MILR1: variants seen among roughly 807,000 people sequenced by gnomAD.
The protein encoded by MILR1 is mast cell immunoglobulin like receptor 1.
A neutral mutation model predicts 18.5 loss-of-function variants in MILR1; 31 were observed. The ratio of observed to expected loss-of-function variants is 1.68; its 90% CI spans 1.26 to 2.26. The LOEUF (loss-of-function observed/expected upper bound fraction) is 2.26. Among genes scored for constraint, MILR1 ranks in the 30% most tolerant of loss-of-function variants. MILR1 has a pLI of 0.00. For synonymous variants in MILR1, 85 were observed against 56.2 expected, an observed-to-expected ratio of 1.51 and a Z score of -2.30; for missense variants, 257 against 157.4, an observed-to-expected ratio of 1.63 and a Z score of -3.38.
the MILR1 span, among the ~76,000 whole-genome samples, chr17:64,476,497 T>C: frequency 0.1 from 15,678 of 152,040 alleles, 1,933 homozygotes; most frequent in African/African-American, 0.3. Flanking sequence ...CTGGGCCACA[T>C]AGTGAGACCC....
At chr17:64,453,703 C>G (rs1189488005) in intron 3 of MILR1, among the ~76,000 whole-genome samples, 3 of 151,980 alleles carry the variant, frequency 2.0e-5, no homozygotes, top group Non-Finnish European at 1.5e-5. Context: ...ATTTTCCTAC[C>G]CCAAGCCTGT....
intron 2 of MILR1, 110 bp from the exon 3 acceptor site, chr17:64,452,487 A>C: frequency 2.5e-6 from 1 of 405,246 alleles, no homozygotes; most frequent in Non-Finnish European, 4.4e-6. Flanking sequence ...TCATGGCCTC[A>C]AGTGATCCAC....
chr17:64,485,558 C>T, the MILR1 span: 60 of 639,020 alleles, frequency 9.4e-5, no homozygotes, highest in Non-Finnish European at 1.5e-4. Flanking sequence ...TCTGTGAGAA[C>T]CTGATTCTTA....
At chr17:64,491,471 C>A in the MILR1 span, 1 of 1,123,956 alleles carries the variant, frequency 8.9e-7, no homozygotes, top group Non-Finnish European at 1.3e-6. Flanking sequence ...GATTGTGCAA[C>A]GGCAGTCCAG....
the MILR1 span, chr17:64,496,348 A>C: frequency 1.3e-5 from 15 of 1,132,786 alleles, no homozygotes; most frequent in Admixed American, 1.0e-4. Flanking sequence ...AAGATCCAGC[A>C]AGACTGCCTC....
At chr17:64,490,504 T>C in the MILR1 span, 257 of 388,092 alleles carry the variant, frequency 6.6e-4, 1 homozygote, top group Non-Finnish European at 8.8e-4. Flanking sequence ...AATTGTTCAT[T>C]TGAAGGAGTG....
the MILR1 span, among the ~76,000 whole-genome samples, chr17:64,480,827 G>A: frequency 3.3e-5 from 5 of 152,224 alleles, no homozygotes; most frequent in East Asian, 9.6e-4. Context: ...AAAGAAAAAG[G>A]ATGAGAAAAA....
At chr17:64,470,656 C>T (rs2037674759), downstream of MILR1, among the ~76,000 whole-genome samples, 2 of 152,114 alleles carry the variant, frequency 1.3e-5, no homozygotes, top group African/African-American at 4.8e-5. Context: ...AGCAGAACTG[C>T]TAGATGTGCT....
chr17:64,464,351 C>T (rs1303076129), intron 5 of MILR1, among the ~76,000 whole-genome samples: 11 of 150,660 alleles, frequency 7.3e-5, no homozygotes, highest in Admixed American at 7.3e-4. Flanking sequence ...CTCAAACCAT[C>T]CTCCTGCCTC....
chr17:64,464,763 A>C (rs1340125497), intron 5 of MILR1, among the ~76,000 whole-genome samples: 1 of 152,192 alleles, frequency 6.6e-6, no homozygotes, highest in Non-Finnish European at 1.5e-5. Context: ...CCTCTACTAA[A>C]AATACAAAAA....
In MILR1 at chr17:64,466,393, C is replaced by G. The variant is rs369782256; in HGVS notation, c.854-49C>G. 7 of 1,551,766 alleles carry G rather than the reference C, an allele frequency of 4.5e-6. No homozygotes were observed. In the African/African-American group the frequency reaches 9.5e-5, roughly 21 times the overall value. ...TTGCTGAGCAATTTACCGACCTTTT[C>G]TAACACAAACGCCACCAACCCCCAA... On this transcript the variant is annotated intron_variant, in intron 6 of 9. Coordinates refer to ENST00000619286, the MANE Select transcript of MILR1 (RefSeq NM_001085423.2).
chr17:64,460,721 T>A (rs2037412409), intron 4 of MILR1, 101 bp from the exon 5 acceptor site: 4 of 440,580 alleles, frequency 9.1e-6, no homozygotes, highest in East Asian at 3.3e-5. Context: ...CATAGTACAT[T>A]GGTTAACTTG....
chr17:64,461,404 T>C (rs1166549264), intron 5 of MILR1, among the ~76,000 whole-genome samples: 2 of 151,942 alleles, frequency 1.3e-5, no homozygotes, highest in African/African-American at 2.4e-5. Flanking sequence ...TCCGCCACCA[T>C]ACCCAGCTAA....
the MILR1 span, among the ~76,000 whole-genome samples, chr17:64,479,179 A>T: frequency 6.7e-6 from 1 of 149,384 alleles, no homozygotes; most frequent in African/African-American, 2.5e-5. Flanking sequence ...ATCATCTGAA[A>T]GGTGTTTTTT....
At chr17:64,491,490 A>G in the MILR1 span, 2 of 1,380,382 alleles carry the variant, frequency 1.4e-6, no homozygotes, top group Non-Finnish European at 2.0e-6. Context: ...AGCCCGGGCA[A>G]AAGAGTGAGA....
Position 64,466,591 on chromosome 17 carries a change from C to T in MILR1, c.911-3C>T, listed in dbSNP as rs782259078. 3 of 1,611,296 alleles carry T rather than the reference C, an allele frequency of 1.9e-6. No individual in the cohort carries two copies. Among genetic ancestry groups the T allele is most frequent in the Non-Finnish European group, 2.5e-6 (3 of 1,178,772 alleles). Reference sequence around the variant, plus strand: ...TAATTCCTATTCCTTATCTTTTGCCCAGAGGCCAAACACTCCCAGGAGCTA... The same window carrying T: ...TAATTCCTATTCCTTATCTTTTGCCTAGAGGCCAAACACTCCCAGGAGCTA... On this transcript the variant is annotated splice_region_variant and splice_polypyrimidine_tract_variant and intron_variant, in intron 7 of 9. Transcript: ENST00000619286.
chr17:64,474,810 A>AT, the MILR1 span, among the ~76,000 whole-genome samples: 1 of 152,100 alleles, frequency 6.6e-6, no homozygotes, highest in Non-Finnish European at 1.5e-5. Context: ...CTTTTTTCCA[A>AT]TAAAAAAAAC....
chr17:64,452,082 G>GGT (rs1264225199), intron 2 of MILR1, among the ~76,000 whole-genome samples: 16 of 137,200 alleles, frequency 1.2e-4, no homozygotes, highest in Non-Finnish European at 2.2e-4. Context: ...TCCCAGCTAT[G>GGT]TTTTTTTTTT....
At chr17:64,479,583 TA>T in the MILR1 span, among the ~76,000 whole-genome samples, 8 of 151,756 alleles carry the variant, frequency 5.3e-5, no homozygotes, top group East Asian at 1.9e-4. Flanking sequence ...ACAAAAAGCT[TA>T]AAAAAAATAA....
Sources: allele counts gnomAD v4.1 joint callset (sites outside exome capture counted in the v4.1 genomes callset), GRCh38; gene constraint gnomAD v4.1.1; transcripts MANE v1.5; gene names NCBI Gene and HGNC (gene_info 2026-07-23, HGNC 2026-07-21).